The following RPIA variants were observed in gnomAD, a reference collection of about 807,000 sequenced individuals.
RPIA encodes ribose-5-phosphate isomerase.
Under a neutral mutation model 37.8 loss-of-function variants are expected in RPIA, and 29 were observed. The observed-to-expected ratio is 0.77, with a 90% CI of 0.57 to 1.05. RPIA has a LOEUF of 1.05. Ranked by LOEUF, RPIA falls within the 50% of genes least tolerant of loss-of-function variation. The pLI is 0.00. For synonymous variants in RPIA, 167 were observed against 157.0 expected (o/e 1.06, Z -0.48); for missense variants, 385 against 413.6 (o/e 0.93, Z 0.60).
intron 3 of RPIA, among the ~76,000 whole-genome samples, chr2:88,720,615 T>G (rs1012587519): frequency 6.7e-6 from 1 of 149,350 alleles, no homozygotes; most frequent in Non-Finnish European, 1.5e-5. Context: ...TTAAATATAG[T>G]TTAAATATAT....
intron 3 of RPIA, among the ~76,000 whole-genome samples, chr2:88,720,676 C>T (rs931378110): frequency 2.6e-5 from 4 of 151,408 alleles, no homozygotes; most frequent in Admixed American, 2.6e-4. Flanking sequence ...TACCATCTCA[C>T]ACTGGTTAGA....
Position 88,694,224 on chromosome 2 carries a change from C to T in RPIA, c.285+2241C>T, listed in dbSNP as rs376616238. Among the ~76,000 whole-genome samples the T allele has an allele frequency of 3.9e-5, 6 of 152,354 alleles. No homozygotes were observed. The South Asian group carries it at 8.3e-4, about 21-fold the overall frequency. On this transcript the variant is annotated intron_variant, in intron 1 of 8. Transcript: ENST00000283646. The stretch of plus-strand genomic sequence containing the variant: ...CCTCTGGTTGGCTTTGGCAAGGGCA[C>T]TGATTTCCTGGGCCAGTCATTTGAT...
chr2:88,716,079 G>C (rs568173490), intron 3 of RPIA, among the ~76,000 whole-genome samples: 1 of 152,176 alleles, frequency 6.6e-6, no homozygotes, highest in African/African-American at 2.4e-5. Context: ...TCCCTCTGAG[G>C]CTCACCTGAG....
chr2:88,692,494 C>T (rs1676951887), intron 1 of RPIA, among the ~76,000 whole-genome samples: 1 of 152,168 alleles, frequency 6.6e-6, no homozygotes. Flanking sequence ...CCCGGGGCTT[C>T]AAACTTCCTT....
chr2:88,735,270 T>A (rs990623082), intron 5 of RPIA, among the ~76,000 whole-genome samples: 2 of 152,238 alleles, frequency 1.3e-5, no homozygotes, highest in Admixed American at 6.5e-5. Flanking sequence ...TTCAGTGCTC[T>A]GGGCTCTCTC....
chr2:88,747,500 C>T lies in RPIA; in HGVS notation c.839-2481C>T, dbSNP rs1229485565. 3.9e-5 allele frequency among the ~76,000 whole-genome samples: 6 copies of T among 152,218 alleles called. No individual in the cohort carries two copies. In the East Asian group the frequency reaches 5.8e-4, roughly 15 times the overall value. ...AATTTGTGCTCAGTTGAAATTATTACGAAGTTCAGCTAGAAGCTTCCTTCA... is the reference window on the plus strand; with the variant it reads ...AATTTGTGCTCAGTTGAAATTATTATGAAGTTCAGCTAGAAGCTTCCTTCA... On this transcript the variant is annotated intron_variant, in intron 8 of 8. Coordinates refer to ENST00000283646, the MANE Select transcript of RPIA (RefSeq NM_144563.3).
intron 8 of RPIA, 89 bp from the exon 9 acceptor site, chr2:88,749,892 A>G: frequency 2.4e-6 from 2 of 828,548 alleles, no homozygotes; most frequent in Non-Finnish European, 4.2e-6. Flanking sequence ...GCTGTGTATG[A>G]CAGTTGCTTC....
At chr2:88,718,961 C>T (rs1427783863) in intron 3 of RPIA, among the ~76,000 whole-genome samples, 3 of 152,168 alleles carry the variant, frequency 2.0e-5, no homozygotes, top group African/African-American at 7.2e-5. Context: ...AAGATTACTT[C>T]AGACTTCTAT....
rs908562428 is a variant in RPIA, at chr2:88,750,067, C to A, written c.925C>A (p.Pro309Thr). 3 of 1,611,268 alleles carry A rather than the reference C, an allele frequency of 1.9e-6. No homozygotes were observed. Among genetic ancestry groups the A allele is most frequent in the African/African-American group, 1.3e-5 (1 of 74,766 alleles). ...QDGSVNMREK[P>T]FC ...TGGCTCAGTGAACATGAGGGAGAAG[C>A]CTTTCTGTTGACCCTGCAAGGAGCA... is the stretch of plus-strand genomic sequence containing the variant. The change falls in exon 9 of 9, where the codon CCT (proline) becomes ACT (threonine). Residue 309 changes from proline (P) to threonine (T), a missense_variant. By Grantham distance (38) the Pro-to-Thr change is conservative. Coordinates refer to ENST00000283646, the MANE Select transcript of RPIA (RefSeq NM_144563.3).
Position 88,750,192 on chromosome 2 carries a change from G to A in RPIA, c.*114G>A, listed in dbSNP as rs867796610. 7.1e-6 allele frequency: 5 copies of A among 702,484 alleles called. 1 individual carries two copies. Among genetic ancestry groups the A allele is most frequent in the Middle Eastern group, 4.9e-4 (2 of 4,066 alleles). 43.5% of individuals were successfully genotyped at this position (702,484 alleles called of 1,614,324 possible). A position where few individuals can be genotyped will look rare whatever the true frequency, so the allele number is the denominator to read the frequency against. On this transcript the variant is annotated 3_prime_UTR_variant, in exon 9 of 9. Coordinates refer to ENST00000283646, the MANE Select transcript of RPIA (RefSeq NM_144563.3). The stretch of plus-strand genomic sequence containing the variant: ...TCTCTGCCTGGACAACTTGTGGTGG[G>A]GGGTGGGGGGAAGAGTGGGAGGGGG...
intron 1 of RPIA, among the ~76,000 whole-genome samples, chr2:88,697,799 T>G (rs1672772266): frequency 6.6e-6 from 1 of 152,220 alleles, no homozygotes; most frequent in Non-Finnish European, 1.5e-5. Flanking sequence ...GAGCACCCCT[T>G]GGTGTCACCT....
At chr2:88,712,876 T>TC (rs2104095434) in intron 3 of RPIA, among the ~76,000 whole-genome samples, 1 of 151,916 alleles carries the variant, frequency 6.6e-6, no homozygotes, top group Non-Finnish European at 1.5e-5. Context: ...TTCTTCTTCT[T>TC]TTCTTTTTTT....
chr2:88,734,536 C>G lies in RPIA; in HGVS notation c.463-16C>G, dbSNP rs1382620983. ...CCTCGAGTGGTTTTTGTATCTTTAC[C>G]TTTCCCCCAATACAGATCGACCTTG... is the stretch of plus-strand genomic sequence containing the variant. On this transcript the variant is annotated splice_polypyrimidine_tract_variant and intron_variant, in intron 4 of 8. Transcript: ENST00000283646. The G allele has an allele frequency of 3.1e-6, 5 of 1,614,068 alleles. No individual in the cohort carries two copies. The highest frequency in any genetic ancestry group is 3.4e-6 in the Non-Finnish European group (4 of 1,179,912).
At chr2:88,698,104 C>T (rs1242013274) in intron 1 of RPIA, among the ~76,000 whole-genome samples, 1 of 141,066 alleles carries the variant, frequency 7.1e-6, no homozygotes, top group African/African-American at 2.6e-5. Context: ...TTTTTTTAAA[C>T]ACACTGTTGC....
intron 8 of RPIA, among the ~76,000 whole-genome samples, chr2:88,741,827 T>G (rs891322714): frequency 1.3e-5 from 2 of 152,192 alleles, no homozygotes; most frequent in African/African-American, 2.4e-5. Context: ...TGTTGAGCAT[T>G]TTTTCATATG....
intron 5 of RPIA, 72 bp from the exon 6 acceptor site, chr2:88,735,597 C>T: frequency 7.4e-7 from 1 of 1,349,328 alleles, no homozygotes; most frequent in Admixed American, 1.7e-5. Context: ...ATTTGGGATT[C>T]CTGTATTTAA....
In RPIA at chr2:88,691,862, C is replaced by A; in HGVS notation, c.164C>A (p.Ala55Asp). ...GRAQSGTRGG[A>D]GNTSTSCGDS... ...GCACAGTCTGGGACCCGTGGCGGTGCTGGCAACACAAGCACCAGCTGCGGG... is the reference window on the plus strand; with the variant it reads ...GCACAGTCTGGGACCCGTGGCGGTGATGGCAACACAAGCACCAGCTGCGGG... Residue 55 changes from alanine to aspartate, a missense_variant, in exon 1 of 9, where the codon GCT (alanine) becomes GAT (aspartate). Physicochemically the swap from Ala to Asp is moderately radical, Grantham distance 126. Around this residue, in one of 2 missense-constraint regions of RPIA, gnomAD observed 232 missense variants for 203.0 expected, o/e 1.14. Coordinates refer to ENST00000283646, the MANE Select transcript of RPIA (RefSeq NM_144563.3). 6.3e-7 allele frequency: 1 copy of A among 1,595,210 alleles called. No homozygotes were observed. The highest frequency in any genetic ancestry group is 8.5e-7 in the Non-Finnish European group (1 of 1,172,264).
At chr2:88,728,665 C>G (rs1008471344) in intron 3 of RPIA, among the ~76,000 whole-genome samples, 4 of 152,142 alleles carry the variant, frequency 2.6e-5, no homozygotes, top group African/African-American at 9.7e-5. Context: ...CTTTTGTCAC[C>G]TTTTTAAGAA....
Position 88,729,304 on chromosome 2 carries a change from C to T in RPIA, c.429C>T (p.Gly143=). The part of the protein sequence containing the change: ...FQARQLILQY[G]LTLSDLDRHP... Reference sequence around the variant, plus strand: ...CCCGCCAGCTCATCCTGCAGTATGGCTTGACCCTCAGTGATCTGGATCGAC... The same window carrying T: ...CCCGCCAGCTCATCCTGCAGTATGGTTTGACCCTCAGTGATCTGGATCGAC... The change falls in exon 4 of 9, where the codon GGC becomes GGT. Residue 143 remains glycine (G), a synonymous_variant. Coordinates refer to ENST00000283646, the MANE Select transcript of RPIA (RefSeq NM_144563.3). The T allele has an allele frequency of 6.2e-7, 1 of 1,614,188 alleles. No individual in the cohort carries two copies. The highest frequency in any genetic ancestry group is 1.7e-5 in the Admixed American group (1 of 60,032).
Sources: gnomAD v4.1 joint callset for allele counts (sites outside exome capture counted in the v4.1 genomes callset) on GRCh38, gnomAD v4.1.1 for gene constraint, gnomAD v4.1.1 regional missense constraint, MANE v1.5 for transcripts, NCBI Gene and HGNC (gene_info 2026-07-23, HGNC 2026-07-21) for gene names.